The following RHOJ variants were observed in gnomAD, a reference collection of about 807,000 sequenced individuals.
The protein encoded by RHOJ is ras homolog family member J, also known as rho-related GTP-binding protein RhoJ.
RHOJ carries 11 observed loss-of-function variants against 23.4 expected under a neutral mutation model. That is an observed-to-expected ratio of 0.47 (90% CI 0.30 to 0.78). RHOJ has a LOEUF of 0.78. Among genes scored for constraint, RHOJ ranks in the 30% least tolerant of loss-of-function variants. The pLI is 0.08. For missense variants in RHOJ, 254 were observed against 273.4 expected, an observed-to-expected ratio of 0.93 and a Z score of 0.50; for synonymous variants, 102 against 102.7, an observed-to-expected ratio of 0.99 and a Z score of 0.04.
intron 2 of RHOJ, 131 bp from the exon 3 acceptor site, chr14:63,280,840 C>A: frequency 1.3e-6 from 1 of 765,122 alleles, no homozygotes; most frequent in African/African-American, 1.8e-5. Context: ...AAAGAACTAC[C>A]AGATTCCAGG....
In RHOJ at chr14:63,249,049, A is replaced by G. The variant is rs114974002; in HGVS notation, c.179-20061A>G. On this transcript the variant is annotated intron_variant, in intron 1 of 4. Transcript: ENST00000316754. ...CAATGTGATCAAGGACATGGGATAT[A>G]CAACAGGTTTAAACTCATCAGAGCC... Among the ~76,000 whole-genome samples the G allele has an allele frequency of 4.8e-3, 732 of 152,354 alleles. 4 individuals are homozygous for G. The highest frequency in any genetic ancestry group is 0.017 in the African/African-American group (692 of 41,574).
chr14:63,265,608 G>A (rs540019126), intron 1 of RHOJ, among the ~76,000 whole-genome samples: 1 of 152,310 alleles, frequency 6.6e-6, no homozygotes, highest in East Asian at 1.9e-4. Context: ...TAAAATATTT[G>A]AAGAGATTTA....
At chr14:63,237,445 C>T (rs1278694821) in intron 1 of RHOJ, among the ~76,000 whole-genome samples, 1 of 152,152 alleles carries the variant, frequency 6.6e-6, no homozygotes, top group East Asian at 1.9e-4. Flanking sequence ...TTGCAGTCCC[C>T]AGATAATTTT....
intron 1 of RHOJ, among the ~76,000 whole-genome samples, chr14:63,234,024 A>T (rs1894743220): frequency 6.6e-6 from 1 of 152,244 alleles, no homozygotes; most frequent in African/African-American, 2.4e-5. Flanking sequence ...ACTACATGTC[A>T]GTCCCACACT....
intron 1 of RHOJ, among the ~76,000 whole-genome samples, chr14:63,207,678 C>G (rs975097750): frequency 1.3e-5 from 2 of 152,246 alleles, no homozygotes; most frequent in Non-Finnish European, 2.9e-5. Context: ...ATACAACCTA[C>G]TGTGCAAGAT....
At chr14:63,221,139 G>C (rs2139737366) in intron 1 of RHOJ, among the ~76,000 whole-genome samples, 1 of 152,140 alleles carries the variant, frequency 6.6e-6, no homozygotes, top group Admixed American at 6.5e-5. Flanking sequence ...GACCAGCCTG[G>C]GCAACATGAG....
intron 2 of RHOJ, among the ~76,000 whole-genome samples, chr14:63,278,277 C>T (rs1350439142): frequency 2.0e-5 from 3 of 152,104 alleles, no homozygotes; most frequent in Non-Finnish European, 4.4e-5. Context: ...TATACTGAGT[C>T]CCGTGTTCTG....
chr14:63,275,602 A>C (rs1452413396), intron 2 of RHOJ, among the ~76,000 whole-genome samples: 1 of 152,190 alleles, frequency 6.6e-6, no homozygotes, highest in Non-Finnish European at 1.5e-5. Flanking sequence ...TCAAAGGCCT[A>C]CTTTGCCCCA....
chr14:63,282,970 A>C, intron 3 of RHOJ, 151 bp from the exon 4 acceptor site: 1 of 611,738 alleles, frequency 1.6e-6, no homozygotes, highest in Non-Finnish European at 2.9e-6. Context: ...ACTTTTTTAG[A>C]CATAACATGG....
rs559229019 is a variant in RHOJ at position 63,238,455 on chromosome 14, C to T, written c.179-30655C>T. Among the ~76,000 whole-genome samples the T allele has an allele frequency of 3.1e-4, 47 of 152,252 alleles. No homozygotes were observed. The East Asian group carries it at 8.1e-3, about 26-fold the overall frequency. On this transcript the variant is annotated intron_variant, in intron 1 of 4. Coordinates refer to ENST00000316754, the MANE Select transcript of RHOJ (RefSeq NM_020663.5). ...TTTTTTAGACAGGGTCTGGTTCCATCGCCCAAGCTAGAGTGCAGTGGTGCC... is the reference window on the plus strand; with the variant it reads ...TTTTTTAGACAGGGTCTGGTTCCATTGCCCAAGCTAGAGTGCAGTGGTGCC...
intron 1 of RHOJ, among the ~76,000 whole-genome samples, chr14:63,219,359 G>A (rs1479964342): frequency 6.6e-6 from 1 of 151,980 alleles, no homozygotes; most frequent in Non-Finnish European, 1.5e-5. Flanking sequence ...CAAAGTATCT[G>A]ATAATGGTGA....
At chr14:63,274,832 A>G (rs1454838345) in intron 2 of RHOJ, among the ~76,000 whole-genome samples, 1 of 152,170 alleles carries the variant, frequency 6.6e-6, no homozygotes, top group Non-Finnish European at 1.5e-5. Context: ...ATGCACGCAC[A>G]CTATACATGG....
In RHOJ at chr14:63,204,890, T is replaced by G. The variant is rs1316965409; in HGVS notation, c.21T>G (p.Thr7=). 1 of 1,613,828 alleles carries G rather than the reference T, an allele frequency of 6.2e-7. No homozygotes were observed. Among genetic ancestry groups the G allele is most frequent in the Middle Eastern group, 1.6e-4 (1 of 6,062 alleles). Residue 7 remains threonine (T), a synonymous_variant, in exon 1 of 5, where the codon ACT becomes ACG. Coordinates refer to ENST00000316754, the MANE Select transcript of RHOJ (RefSeq NM_020663.5). MNCKEG[T]DSSCGCRGND... ...CAAGAATGAACTGCAAAGAGGGAAC[T>G]GACAGCAGCTGCGGCTGCAGGGGCA...
intron 1 of RHOJ, among the ~76,000 whole-genome samples, chr14:63,261,535 A>G (rs1265951522): frequency 6.6e-6 from 1 of 151,472 alleles, no homozygotes; most frequent in African/African-American, 2.4e-5. Flanking sequence ...GGATCAAGCC[A>G]TCCTCCCACC....
intron 1 of RHOJ, among the ~76,000 whole-genome samples, chr14:63,235,677 C>T (rs563735967): frequency 2.6e-5 from 4 of 152,248 alleles, no homozygotes; most frequent in Non-Finnish European, 5.9e-5. Flanking sequence ...GAATAAAATC[C>T]TCTTTGAAGA....
chr14:63,273,782 G>A (rs1161315707), intron 2 of RHOJ, among the ~76,000 whole-genome samples: 1 of 152,232 alleles, frequency 6.6e-6, no homozygotes, highest in Non-Finnish European at 1.5e-5. Flanking sequence ...CACAACACCT[G>A]TGAAAATGGC....
At chr14:63,213,652 C>A (rs962539871) in intron 1 of RHOJ, among the ~76,000 whole-genome samples, 1 of 152,080 alleles carries the variant, frequency 6.6e-6, no homozygotes, top group African/African-American at 2.4e-5. Context: ...GATATATACC[C>A]AGTAATAGGA....
chr14:63,204,559 C>T lies in RHOJ; in HGVS notation c.-311C>T. 1 of 391,838 alleles carries T rather than the reference C, an allele frequency of 2.6e-6. No individual in the cohort carries two copies. The highest frequency in any genetic ancestry group is 7.3e-4 in the Middle Eastern group (1 of 1,378). 24.3% of individuals were successfully genotyped at this position (391,838 alleles called of 1,614,324 possible). ...GACAGGGAGAGCAGAGTAAAACCCT[C>T]AGGCTGCTGAAATTTCTAGGCTGTT... is the stretch of plus-strand genomic sequence containing the variant. On this transcript the variant is annotated 5_prime_UTR_variant, in exon 1 of 5. Coordinates refer to ENST00000316754, the MANE Select transcript of RHOJ (RefSeq NM_020663.5).
At chr14:63,250,989 T>A (rs1372186184) in intron 1 of RHOJ, among the ~76,000 whole-genome samples, 1 of 152,072 alleles carries the variant, frequency 6.6e-6, no homozygotes, top group Non-Finnish European at 1.5e-5. Context: ...GAGCCAAGAT[T>A]TCACCATTGC....
Sources: allele counts gnomAD v4.1 joint callset (sites outside exome capture counted in the v4.1 genomes callset), GRCh38; gene constraint gnomAD v4.1.1; transcripts MANE v1.5; gene names NCBI Gene and HGNC (gene_info 2026-07-23, HGNC 2026-07-21).